YME1L1: variants seen among roughly 807,000 people sequenced by gnomAD.
YME1L1 encodes ATP-dependent zinc metalloprotease YME1L1.
In YME1L1, 39 loss-of-function variants were observed where a neutral mutation model predicts 90.4. That is an observed-to-expected ratio of 0.43 (90% CI 0.33 to 0.56). YME1L1 has a LOEUF of 0.56. Ranked by LOEUF, YME1L1 falls within the 20% of genes least tolerant of loss-of-function variation. The pLI is 0.03. For synonymous variants in YME1L1, 284 were observed against 287.3 expected (o/e 0.99, Z 0.12); for missense variants, 617 against 868.4 (o/e 0.71, Z 3.64).
chr10:27,132,056 CTT>C (rs1404051062), intron 7 of YME1L1, 115 bp from the exon 8 acceptor site: 2 of 715,016 alleles, frequency 2.8e-6, no homozygotes, highest in African/African-American at 3.6e-5. Context: ...AGTGACCTAA[CTT>C]CACATATCAA....
chr10:27,130,304 CAAGT>C (rs1037080536), intron 8 of YME1L1, among the ~76,000 whole-genome samples: 3 of 152,186 alleles, frequency 2.0e-5, no homozygotes, highest in Non-Finnish European at 4.4e-5. Context: ...TGTGAACCTT[CAAGT>C]AAGTGCTCTG....
At chr10:27,135,937 G>A (rs567597631) in intron 5 of YME1L1, among the ~76,000 whole-genome samples, 3 of 152,296 alleles carry the variant, frequency 2.0e-5, no homozygotes, top group Admixed American at 2.0e-4. Flanking sequence ...TAGGAGGTTG[G>A]ATCAACAGGA....
chr10:27,117,867 T>C, intron 14 of YME1L1, 140 bp from the exon 15 acceptor site: 2 of 798,448 alleles, frequency 2.5e-6, no homozygotes, highest in East Asian at 2.6e-5. Flanking sequence ...CAAATAAGGA[T>C]TAAAACTATG....
chr10:27,122,712 T>C (rs2056879328), intron 11 of YME1L1, 129 bp downstream of exon 11: 3 of 1,284,272 alleles, frequency 2.3e-6, no homozygotes, highest in Non-Finnish European at 3.2e-6. Flanking sequence ...CTGTTTCCTA[T>C]ACACATCACA....
At chr10:27,120,254 A>G (rs1157368220) in intron 13 of YME1L1, among the ~76,000 whole-genome samples, 181 bp downstream of exon 13, 1 of 152,192 alleles carries the variant, frequency 6.6e-6, no homozygotes, top group Non-Finnish European at 1.5e-5. Context: ...GTTCAAAACA[A>G]TAGAATCTCC....
intron 15 of YME1L1, among the ~76,000 whole-genome samples, chr10:27,116,882 TA>T (rs1300257199): frequency 1.3e-5 from 2 of 151,346 alleles, no homozygotes; most frequent in African/African-American, 2.4e-5. Context: ...AATAAAAATT[TA>T]AAAAAAATTC....
At chr10:27,146,413 G>A (rs1326236061) in intron 2 of YME1L1, 3 of 152,124 alleles carry the variant, frequency 2.0e-5, no homozygotes, top group Non-Finnish European at 4.4e-5. Flanking sequence ...CAACAGGATA[G>A]GGATTATTTT....
At chr10:27,112,168 G>A (rs565118203) in intron 18 of YME1L1, 48 bp from the exon 19 acceptor site, 22 of 1,552,286 alleles carry the variant, frequency 1.4e-5, no homozygotes, top group Admixed American at 1.0e-4. Context: ...GCAGGGATGC[G>A]AAAACCAGTC....
At position 27,126,728 on chromosome 10, in the gene YME1L1, T is replaced by C; in HGVS notation, c.917A>G (p.Lys306Arg). 6.3e-7 allele frequency: 1 copy of C among 1,584,974 alleles called. No individual in the cohort carries two copies. The highest frequency in any genetic ancestry group is 1.2e-5 in the South Asian group (1 of 83,936). ...EVVEFLKNPQ[K>R]FTILGGKLPK... ...AAGTTTACCTCCAAGAATAGTAAAT[T>C]TTTGTGGATTTTTCAAGAATTCAAC... The change falls in exon 9 of 19, where the codon AAA becomes AGA. Residue 306 changes from lysine (K) to arginine (R), a missense_variant. Physicochemically the swap from Lys to Arg is conservative, Grantham distance 26. Transcript: ENST00000376016.
chr10:27,149,072 G>GA, intron 1 of YME1L1, 32 bp from the exon 2 acceptor site: 1 of 1,523,336 alleles, frequency 6.6e-7, no homozygotes, highest in Non-Finnish European at 8.9e-7. Context: ...AAACTAAGTA[G>GA]TTTTTTTTTA....
chr10:27,154,336 C>T lies in YME1L1; in HGVS notation c.-126G>A, dbSNP rs1324515487. On this transcript the variant is annotated 5_prime_UTR_variant, in exon 1 of 19. Transcript: ENST00000376016. Reference sequence around the variant, plus strand: ...CCGACCCGTTGCCCCTCACTCCTCCCAGAAACGGAAAATGGCCTCCCCTTC... The same window carrying T: ...CCGACCCGTTGCCCCTCACTCCTCCTAGAAACGGAAAATGGCCTCCCCTTC... 6 of 1,190,756 alleles carry T rather than the reference C, an allele frequency of 5.0e-6. No homozygotes were observed. In the East Asian group the frequency reaches 1.6e-4, roughly 31 times the overall value. 73.8% of individuals were successfully genotyped at this position (1,190,756 alleles called of 1,614,324 possible).
At chr10:27,121,553 C>CAAAGCGAGTCCTAG in intron 11 of YME1L1, 105 bp from the exon 12 acceptor site, 1 of 805,382 alleles carries the variant, frequency 1.2e-6, no homozygotes, top group Non-Finnish European at 2.1e-6. Context: ...GAGACTAGGA[C>CAAAGCGAGTCCTAG]TCGCTTTGTG....
intron 1 of YME1L1, 32 bp from the exon 2 acceptor site, chr10:27,149,072 GT>G (rs763463881): frequency 7.4e-5 from 113 of 1,522,268 alleles, no homozygotes; most frequent in African/African-American, 9.9e-5. Context: ...AAACTAAGTA[GT>G]TTTTTTTTAA....
chr10:27,147,773 C>T (rs2057161833), intron 2 of YME1L1: 3 of 1,460,230 alleles, frequency 2.1e-6, no homozygotes, highest in East Asian at 2.5e-5. Flanking sequence ...GTCAATTGTG[C>T]AGTTTCACCA....
chr10:27,110,543 T>A lies in YME1L1; in HGVS notation c.*1434A>T, dbSNP rs2056749334. 6.6e-6 allele frequency: 1 copy of A among 152,166 alleles called. No individual in the cohort carries two copies. The highest frequency in any genetic ancestry group is 1.5e-5 in the Non-Finnish European group (1 of 68,024). 9.4% of individuals were successfully genotyped at this position (152,166 alleles called of 1,614,324 possible). A position where few individuals can be genotyped will look rare whatever the true frequency, so the allele number is the denominator to read the frequency against. On this transcript the variant is annotated 3_prime_UTR_variant, in exon 19 of 19. Transcript: ENST00000376016. The stretch of plus-strand genomic sequence containing the variant: ...CAATACAATGTGTTCTAAAATAATT[T>A]TTCTATTGAGTTAAATATTCATCTG...
chr10:27,134,142 C>T lies in YME1L1; in HGVS notation c.692-20G>A. ...GGGAATCTAGGAGAGAAAGAAAAAG[C>T]TTTACATGAAATCACATTTATGAAA... is the stretch of plus-strand genomic sequence containing the variant. On this transcript the variant is annotated intron_variant, in intron 6 of 18. Coordinates refer to ENST00000376016, the MANE Select transcript of YME1L1 (RefSeq NM_014263.4). 3 of 1,557,186 alleles carry T rather than the reference C, an allele frequency of 1.9e-6. No homozygotes were observed. Among genetic ancestry groups the T allele is most frequent in the African/African-American group, 1.4e-5 (1 of 73,100 alleles).
In YME1L1 at chr10:27,148,921, C is replaced by T. The variant is rs2057175866; in HGVS notation, c.153G>A (p.Glu51=). The change falls in exon 2 of 19, where the codon GAG becomes GAA. Residue 51 remains glutamate, a synonymous_variant. Transcript: ENST00000376016. ...AAAGACTTACCTCACTGCTGGGAGC[C>T]TCATGCTCAGGAACTACATCTCGAT... ...NQHRDVVPEH[E]APSSEPSLNL... The T allele has an allele frequency of 6.2e-7, 1 of 1,613,830 alleles. No individual in the cohort carries two copies. Among genetic ancestry groups the T allele is most frequent in the South Asian group, 1.1e-5 (1 of 91,014 alleles).
chr10:27,125,458 G>GAAAAAAAAA (rs68143135), intron 9 of YME1L1, among the ~76,000 whole-genome samples: 6 of 107,692 alleles, frequency 5.6e-5, no homozygotes, highest in East Asian at 6.0e-4. Flanking sequence ...TGTTTCATTT[G>GAAAAAAAAA]AAAAAAAAAA....
At chr10:27,125,888 A>G (rs1327172559) in intron 9 of YME1L1, among the ~76,000 whole-genome samples, 1 of 151,952 alleles carries the variant, frequency 6.6e-6, no homozygotes, top group East Asian at 1.9e-4. Context: ...TCAAGACCAG[A>G]CTGGTCTCGA....
Sources: gnomAD v4.1 joint callset for allele counts (sites outside exome capture counted in the v4.1 genomes callset) on GRCh38, gnomAD v4.1.1 for gene constraint, MANE v1.5 for transcripts, NCBI Gene and HGNC (gene_info 2026-07-23, HGNC 2026-07-21) for gene names.